Variants in CD38 observed in about 807,000 individuals in gnomAD.
CD38 encodes ADP-ribosyl cyclase/cyclic ADP-ribose hydrolase 1.
In CD38, 31 loss-of-function variants were observed where a neutral mutation model predicts 36.3. The ratio of observed to expected loss-of-function variants is 0.85; its 90% CI spans 0.64 to 1.15. CD38 has a LOEUF of 1.15. Among genes scored for constraint, CD38 ranks in the 50% most tolerant of loss-of-function variants. CD38 has a pLI of 0.00. For missense variants in CD38, 380 were observed against 371.9 expected (o/e 1.02, Z -0.18); for synonymous variants, 131 against 135.2 (o/e 0.97, Z 0.22).
intron 3 of CD38, among the ~76,000 whole-genome samples, chr4:15,826,279 A>G (rs951948184): frequency 4.6e-5 from 7 of 152,156 alleles, no homozygotes; most frequent in African/African-American, 1.7e-4. Flanking sequence ...TAATGTAAAC[A>G]TATATATTTA....
intron 1 of CD38, among the ~76,000 whole-genome samples, chr4:15,783,277 G>A (rs1722736966): frequency 6.6e-6 from 1 of 152,188 alleles, no homozygotes; most frequent in African/African-American, 2.4e-5. Flanking sequence ...GCCTGCAGGA[G>A]GGAATGGAGA....
intron 3 of CD38, among the ~76,000 whole-genome samples, chr4:15,826,420 G>T (rs1294661270): frequency 6.7e-6 from 1 of 149,352 alleles, no homozygotes; most frequent in East Asian, 2.0e-4. Context: ...TTTAGTTTTG[G>T]TTGCTATTAT....
At chr4:15,781,842 C>T (rs1401507044) in intron 1 of CD38, among the ~76,000 whole-genome samples, 1 of 152,184 alleles carries the variant, frequency 6.6e-6, no homozygotes. Context: ...CTGTTTTGGT[C>T]ATCAGTTGCT....
chr4:15,798,860 G>T (rs1045112197), intron 1 of CD38, among the ~76,000 whole-genome samples: 3 of 152,010 alleles, frequency 2.0e-5, no homozygotes, highest in Admixed American at 6.6e-5. Flanking sequence ...TTTCTTCTGT[G>T]AAAAGCCTAT....
intron 3 of CD38, among the ~76,000 whole-genome samples, chr4:15,828,152 C>T (rs916639694): frequency 6.6e-6 from 1 of 152,040 alleles, no homozygotes; most frequent in Admixed American, 6.6e-5. Flanking sequence ...GTAGCTGGGA[C>T]TACAGGTGCC....
At chr4:15,795,026 T>C (rs1723078800) in intron 1 of CD38, among the ~76,000 whole-genome samples, 1 of 152,184 alleles carries the variant, frequency 6.6e-6, no homozygotes, top group African/African-American at 2.4e-5. Flanking sequence ...ATCAGTTGAA[T>C]TTTTTGAGAC....
intron 1 of CD38, among the ~76,000 whole-genome samples, chr4:15,806,674 G>A (rs1056057078): frequency 2.6e-5 from 4 of 152,134 alleles, no homozygotes; most frequent in Non-Finnish European, 4.4e-5. Context: ...TGAACTCGAC[G>A]GAATGATGTA....
chr4:15,794,830 A>G (rs1723075168), intron 1 of CD38, among the ~76,000 whole-genome samples: 1 of 152,200 alleles, frequency 6.6e-6, no homozygotes, highest in African/African-American at 2.4e-5. Flanking sequence ...ATTTCATTAC[A>G]TTATATAAGT....
At chr4:15,781,761 A>G (rs1174752372) in intron 1 of CD38, among the ~76,000 whole-genome samples, 2 of 152,252 alleles carry the variant, frequency 1.3e-5, no homozygotes, top group Non-Finnish European at 2.9e-5. Context: ...GCGAATTGCC[A>G]CTTAAAATTA....
At chr4:15,800,318 C>G (rs1723192841) in intron 1 of CD38, among the ~76,000 whole-genome samples, 1 of 152,046 alleles carries the variant, frequency 6.6e-6, no homozygotes, top group Non-Finnish European at 1.5e-5. Flanking sequence ...AGTGAACACC[C>G]AGAAATAGAA....
chr4:15,830,114 G>A (rs775194527), intron 3 of CD38, among the ~76,000 whole-genome samples: 4 of 152,142 alleles, frequency 2.6e-5, no homozygotes, highest in Non-Finnish European at 5.9e-5. Flanking sequence ...ATCCAGCAGT[G>A]GCATTGCTGG....
At chr4:15,806,079 A>G (rs1723334314) in intron 1 of CD38, among the ~76,000 whole-genome samples, 1 of 152,198 alleles carries the variant, frequency 6.6e-6, no homozygotes, top group South Asian at 2.1e-4. Context: ...TGAGAATGGT[A>G]TAGGTTTAGA....
At chr4:15,832,052 C>T (rs1665290180) in intron 3 of CD38, among the ~76,000 whole-genome samples, 1 of 152,010 alleles carries the variant, frequency 6.6e-6, no homozygotes, top group Non-Finnish European at 1.5e-5. Context: ...ATTCTTTCTT[C>T]TGCTTGATCA....
intron 5 of CD38, among the ~76,000 whole-genome samples, chr4:15,839,168 C>A: frequency 6.6e-6 from 1 of 152,094 alleles, no homozygotes; most frequent in East Asian, 1.9e-4. Flanking sequence ...GTCTTCTGAT[C>A]CCAATTTTTT....
At chr4:15,837,411 T>C (rs953897493) in intron 4 of CD38, among the ~76,000 whole-genome samples, 1 of 152,100 alleles carries the variant, frequency 6.6e-6, no homozygotes, top group African/African-American at 2.4e-5. Context: ...AGTTGGATAA[T>C]GTGGAGGGAA....
chr4:15,801,312 T>G (rs1364146906), intron 1 of CD38, among the ~76,000 whole-genome samples: 1 of 151,416 alleles, frequency 6.6e-6, no homozygotes, highest in Non-Finnish European at 1.5e-5. Flanking sequence ...AGTTTCCCAA[T>G]TAAAAAAAAA....
chr4:15,825,189 C>A (rs554004594), intron 3 of CD38, 173 bp downstream of exon 3: 13 of 570,292 alleles, frequency 2.3e-5, no homozygotes, highest in African/African-American at 1.3e-4. Context: ...CCTGAGGCTG[C>A]GTAATTTATA....
chr4:15,782,502 CT>C (rs1483385199), intron 1 of CD38, among the ~76,000 whole-genome samples: 6 of 152,136 alleles, frequency 3.9e-5, no homozygotes, highest in Admixed American at 2.0e-4. Context: ...AGCCTAGGGA[CT>C]TTTGTTTAAT....
intron 3 of CD38, among the ~76,000 whole-genome samples, chr4:15,831,414 T>C (rs1017899273): frequency 6.6e-6 from 1 of 152,198 alleles, no homozygotes; most frequent in African/African-American, 2.4e-5. Flanking sequence ...ATTAATATCC[T>C]TTTCTTTCTA....
Sources: gnomAD v4.1 joint callset for allele counts (sites outside exome capture counted in the v4.1 genomes callset) on GRCh38, gnomAD v4.1.1 for gene constraint, MANE v1.5 for transcripts, NCBI Gene and HGNC (gene_info 2026-07-23, HGNC 2026-07-21) for gene names.